RASA3: variants seen among roughly 807,000 people sequenced by gnomAD.
RASA3 encodes RAS p21 protein activator 3.
RASA3 carries 73 observed loss-of-function variants against 110.0 expected under a neutral mutation model. That is an observed-to-expected ratio of 0.66 (90% CI 0.55 to 0.81). The LOEUF (loss-of-function observed/expected upper bound fraction) is 0.81. Among genes scored for constraint, RASA3 ranks in the 30% least tolerant of loss-of-function variants. The probability of loss-of-function intolerance (pLI) is 0.00; values close to 1 mark genes in which losing one functional copy is unlikely to be tolerated. For missense variants in RASA3, 976 were observed against 1,113.2 expected, an observed-to-expected ratio of 0.88 and a Z score of 1.75; for synonymous variants, 500 against 451.4, an observed-to-expected ratio of 1.11 and a Z score of -1.37.
Position 114,057,852 on chromosome 13 carries a change from G to A in RASA3, c.174-5697C>T, listed in dbSNP as rs1001847485. The stretch of plus-strand genomic sequence containing the variant: ...GGGACCCAGAACAATGGCTTCCCTG[G>A]GGTGCGGGCTCGGCCTGCAGGATGG... On this transcript the variant is annotated intron_variant, in intron 2 of 23. Transcript: ENST00000334062. The surrounding 1 kb of genome is among the most constrained non-coding windows in gnomAD (Gnocchi z 5.0). 2.0e-5 allele frequency among the ~76,000 whole-genome samples: 3 copies of A among 152,170 alleles called. No homozygotes were observed. Among genetic ancestry groups the A allele is most frequent in the Non-Finnish European group, 4.4e-5 (3 of 68,022 alleles).
intron 1 of RASA3, among the ~76,000 whole-genome samples, chr13:114,076,701 G>A (rs1361144534): frequency 6.6e-6 from 1 of 152,068 alleles, no homozygotes; most frequent in Non-Finnish European, 1.5e-5. Context: ...TGAGGTTCCC[G>A]GAGCAGACGC....
At chr13:113,992,615 G>A (rs752560821) in intron 21 of RASA3, 27 bp from the exon 22 acceptor site, 5 of 1,514,914 alleles carry the variant, frequency 3.3e-6, no homozygotes, top group Non-Finnish European at 3.7e-6. Flanking sequence ...AGAACAGAAA[G>A]ATAAAAACAC....
At chr13:114,075,695 G>C in intron 1 of RASA3, among the ~76,000 whole-genome samples, 1 of 73,970 alleles carries the variant, frequency 1.4e-5, no homozygotes, top group Non-Finnish European at 2.4e-5. Context: ...CTCTGCGTGT[G>C]GAGGCGCCGG....
At chr13:114,079,341 C>A (rs1159627111) in intron 1 of RASA3, among the ~76,000 whole-genome samples, 1 of 152,208 alleles carries the variant, frequency 6.6e-6, no homozygotes, top group Non-Finnish European at 1.5e-5. Flanking sequence ...CGAAAGCAAC[C>A]CCGTCCCAGC....
intron 3 of RASA3, among the ~76,000 whole-genome samples, chr13:114,047,625 A>G (rs1216751870): frequency 6.6e-6 from 1 of 152,278 alleles, no homozygotes; most frequent in East Asian, 1.9e-4. Flanking sequence ...GACTTTATTC[A>G]TAATTCCTGA....
chr13:114,048,531 C>CGGGCCTCGCGCA lies in RASA3; in HGVS notation c.277+3509_277+3520dup, dbSNP rs1210061361. 7.9e-5 allele frequency among the ~76,000 whole-genome samples: 12 copies of CGGGCCTCGCGCA among 152,184 alleles called. No individual in the cohort carries two copies. Among genetic ancestry groups the CGGGCCTCGCGCA allele is most frequent in the African/African-American group, 2.9e-4 (12 of 41,442 alleles). On this transcript the variant is annotated intron_variant, in intron 3 of 23. Coordinates refer to ENST00000334062, the MANE Select transcript of RASA3 (RefSeq NM_007368.4). This position sits in a 1 kb window ranked among gnomAD's most constrained non-coding sequence, Gnocchi z 4.3. ...CCCAATGCTCCTGACAGCACCGAGC[C>CGGGCCTCGCGCA]GGGCCTCGCGCATTTCCGTGGTTCC...
intron 1 of RASA3, among the ~76,000 whole-genome samples, chr13:114,075,513 C>A (rs934738887): frequency 8.5e-6 from 1 of 118,312 alleles, no homozygotes; most frequent in Admixed American, 8.5e-5. Context: ...CCCGTGTCGG[C>A]GCCGCGTATC....
At chr13:114,020,957 G>A (rs966844979) in intron 9 of RASA3, among the ~76,000 whole-genome samples, 2 of 152,154 alleles carry the variant, frequency 1.3e-5, no homozygotes, top group African/African-American at 4.8e-5. Flanking sequence ...CTCACGAGCT[G>A]CTCGCGGCTC....
intron 4 of RASA3, among the ~76,000 whole-genome samples, chr13:114,034,384 G>T (rs564049089): frequency 6.6e-6 from 1 of 152,352 alleles, no homozygotes; most frequent in African/African-American, 2.4e-5. Context: ...GCATGTGGGG[G>T]GTCCTGGTCC....
intron 2 of RASA3, among the ~76,000 whole-genome samples, chr13:114,067,063 TGAG>T (rs1451194761): frequency 1.4e-5 from 2 of 144,546 alleles, no homozygotes; most frequent in African/African-American, 5.3e-5. Context: ...TGACCTGGGC[TGAG>T]GACAGGCCCC....
At chr13:114,089,769 C>T (rs1038565764) in intron 1 of RASA3, among the ~76,000 whole-genome samples, 26 of 152,166 alleles carry the variant, frequency 1.7e-4, no homozygotes, top group African/African-American at 2.4e-4. Flanking sequence ...ACCGTTATCA[C>T]GATTGACGCG....
chr13:114,117,113 CGTGT>C (rs1208886258), intron 1 of RASA3, among the ~76,000 whole-genome samples: 5 of 120,492 alleles, frequency 4.1e-5, no homozygotes, highest in Non-Finnish European at 8.3e-5. Flanking sequence ...GAGGAGAGCA[CGTGT>C]GTGAGGGATG....
chr13:114,080,118 G>T (rs1347755739), intron 1 of RASA3, among the ~76,000 whole-genome samples: 1 of 152,222 alleles, frequency 6.6e-6, no homozygotes, highest in East Asian at 1.9e-4. Context: ...TCACGCTCAG[G>T]AGGGGCAGAG....
At chr13:114,063,070 A>T (rs2079389848) in intron 2 of RASA3, among the ~76,000 whole-genome samples, 2 of 152,214 alleles carry the variant, frequency 1.3e-5, no homozygotes, top group African/African-American at 4.8e-5. Context: ...ATGTTCTAAA[A>T]TTGGCTGTGG....
rs1234665939 is a variant in RASA3, at chr13:114,057,356, A to G, written c.174-5201T>C. On this transcript the variant is annotated intron_variant, in intron 2 of 23. Coordinates refer to ENST00000334062, the MANE Select transcript of RASA3 (RefSeq NM_007368.4). This position sits in a 1 kb window ranked among gnomAD's most constrained non-coding sequence, Gnocchi z 5.0. Reference sequence around the variant, plus strand: ...ACTGTGACCAAGCTTCATTCCCACGAGCTGGACGAGCAGAAGGCATTGCAG... The same window carrying G: ...ACTGTGACCAAGCTTCATTCCCACGGGCTGGACGAGCAGAAGGCATTGCAG... The G allele has an allele frequency of 1.4e-5, 14 of 985,334 alleles. No individual in the cohort carries two copies. Among genetic ancestry groups the G allele is most frequent in the Non-Finnish European group, 1.7e-5 (14 of 829,918 alleles). The allele number at this position is 985,334 out of a possible 1,614,324, so 61.0% of individuals were successfully genotyped here. A position where few individuals can be genotyped will look rare whatever the true frequency, so the allele number is the denominator to read the frequency against.
chr13:114,120,790 C>T (rs534929573), intron 1 of RASA3, among the ~76,000 whole-genome samples: 1 of 152,384 alleles, frequency 6.6e-6, no homozygotes, highest in Non-Finnish European at 1.5e-5. Flanking sequence ...TCCTGACTTC[C>T]TGTCACCAGG....
chr13:113,994,478 GA>G (rs2053189404), intron 21 of RASA3, among the ~76,000 whole-genome samples: 1 of 152,150 alleles, frequency 6.6e-6, no homozygotes, highest in South Asian at 2.1e-4. Flanking sequence ...AAAAAAAGAA[GA>G]AAGAAGATGA....
chr13:114,009,270 T>C (rs916603393), intron 17 of RASA3, 117 bp downstream of exon 17: 5 of 843,768 alleles, frequency 5.9e-6, no homozygotes, highest in South Asian at 1.5e-5. Context: ...AACGCCTTTA[T>C]TGTTTAAAAT....
intron 4 of RASA3, among the ~76,000 whole-genome samples, chr13:114,030,133 T>G (rs2054119408): frequency 1.3e-5 from 2 of 152,240 alleles, no homozygotes; most frequent in Non-Finnish European, 2.9e-5. Flanking sequence ...CTGGCTCTGC[T>G]GAGAGCAGGT....
Sources: gnomAD v4.1 joint callset for allele counts (sites outside exome capture counted in the v4.1 genomes callset) on GRCh38, gnomAD v4.1.1 for gene constraint, Gnocchi (gnomAD v3.1) non-coding constraint, MANE v1.5 for transcripts, NCBI Gene and HGNC (gene_info 2026-07-23, HGNC 2026-07-21) for gene names.